TMEM45A: variants seen among roughly 807,000 people sequenced by gnomAD.
TMEM45A encodes the protein DNA polymerase-transactivated protein 4.
TMEM45A carries 25 observed loss-of-function variants against 32.0 expected under a neutral mutation model. That is an observed-to-expected ratio of 0.78 (90% CI 0.57 to 1.09). The LOEUF is 1.09. Among genes scored for constraint, TMEM45A ranks in the 50% least tolerant of loss-of-function variants. The pLI is 0.00. For missense variants in TMEM45A, 302 were observed against 325.0 expected, an observed-to-expected ratio of 0.93 and a Z score of 0.54; for synonymous variants, 122 against 114.8, an observed-to-expected ratio of 1.06 and a Z score of -0.40.
chr3:100,547,482 A>C (rs749040568), intron 1 of TMEM45A, among the ~76,000 whole-genome samples: 1 of 152,146 alleles, frequency 6.6e-6, no homozygotes, highest in Non-Finnish European at 1.5e-5. Flanking sequence ...AGAAAATCAT[A>C]AGGAAGATAA....
intron 4 of TMEM45A, among the ~76,000 whole-genome samples, chr3:100,563,153 C>T (rs1281972968): frequency 2.6e-5 from 4 of 152,202 alleles, no homozygotes; most frequent in Admixed American, 2.6e-4. Context: ...GCCAGCCATC[C>T]TTGGCATTCC....
intron 1 of TMEM45A, among the ~76,000 whole-genome samples, chr3:100,506,497 TAA>T (rs1408895072): frequency 6.6e-6 from 1 of 152,174 alleles, no homozygotes; most frequent in South Asian, 2.1e-4. Context: ...TTTGTACCCT[TAA>T]AGAGTCCAAC....
chr3:100,515,963 T>C (rs1708255908), intron 1 of TMEM45A, among the ~76,000 whole-genome samples: 1 of 152,204 alleles, frequency 6.6e-6, no homozygotes, highest in Admixed American at 6.5e-5. Context: ...CAATATATTA[T>C]ATATTTCAAA....
intron 1 of TMEM45A, among the ~76,000 whole-genome samples, chr3:100,532,044 G>C (rs1432179199): frequency 2.6e-5 from 4 of 152,126 alleles, no homozygotes; most frequent in Admixed American, 6.5e-5. Context: ...CATTACTCAA[G>C]TTTGAGAAGT....
At chr3:100,539,759 G>A (rs894543180) in intron 1 of TMEM45A, among the ~76,000 whole-genome samples, 2 of 152,084 alleles carry the variant, frequency 1.3e-5, no homozygotes, top group Non-Finnish European at 2.9e-5. Context: ...GCCCACCCAG[G>A]CAATCTTCTT....
chr3:100,529,930 C>T (rs1442284063), intron 1 of TMEM45A, among the ~76,000 whole-genome samples: 1 of 152,098 alleles, frequency 6.6e-6, no homozygotes, highest in Non-Finnish European at 1.5e-5. Context: ...ACCTTGATTT[C>T]TGATATTTTG....
chr3:100,551,398 T>G (rs540628946), intron 1 of TMEM45A, among the ~76,000 whole-genome samples: 16 of 152,260 alleles, frequency 1.1e-4, no homozygotes, highest in Non-Finnish European at 2.1e-4. Flanking sequence ...GCCCTGGCAT[T>G]TTCCCTGGGG....
chr3:100,549,152 C>A (rs1426094362), intron 1 of TMEM45A, among the ~76,000 whole-genome samples: 1 of 151,886 alleles, frequency 6.6e-6, no homozygotes, highest in Non-Finnish European at 1.5e-5. Context: ...GAGGCTGAGG[C>A]AGGAGAATCA....
chr3:100,574,602 C>T (rs1007310177), intron 5 of TMEM45A: 1 of 152,266 alleles, frequency 6.6e-6, no homozygotes, highest in African/African-American at 2.4e-5. Context: ...CCGTCGTCTT[C>T]ACCATGCATT....
chr3:100,560,352 C>T (rs1036906117), intron 4 of TMEM45A, among the ~76,000 whole-genome samples: 5 of 151,550 alleles, frequency 3.3e-5, no homozygotes, highest in African/African-American at 1.2e-4. Flanking sequence ...CATTTGTCTG[C>T]ACACTGCTAG....
intron 1 of TMEM45A, among the ~76,000 whole-genome samples, chr3:100,529,965 T>C (rs1452576296): frequency 1.3e-5 from 2 of 152,186 alleles, no homozygotes; most frequent in Non-Finnish European, 2.9e-5. Context: ...CATGTTTACG[T>C]GTACAGACCC....
At chr3:100,500,133 G>A (rs887187771) in intron 1 of TMEM45A, among the ~76,000 whole-genome samples, 4 of 152,046 alleles carry the variant, frequency 2.6e-5, no homozygotes, top group African/African-American at 7.2e-5. Flanking sequence ...TTTGTTAATA[G>A]TCTGCTCTAT....
At position 100,519,695 on chromosome 3, in the gene TMEM45A, T is replaced by C. The variant is rs370908734; in HGVS notation, c.-4+26767T>C. 202 of 1,328,970 alleles carry C rather than the reference T, an allele frequency of 1.5e-4. No individual in the cohort carries two copies. In the African/African-American group the frequency reaches 2.2e-3, roughly 14 times the overall value. The allele number at this position is 1,328,970 out of a possible 1,614,324, so 82.3% of individuals were successfully genotyped here. A position where few individuals can be genotyped will look rare whatever the true frequency, so the allele number is the denominator to read the frequency against. The stretch of plus-strand genomic sequence containing the variant: ...GATTCATAAAGACCTAGTTTGAACC[T>C]GACTGTACCGTGTATTTATGACATT... On this transcript the variant is annotated intron_variant, in intron 1 of 5. Coordinates refer to ENST00000323523, the MANE Select transcript of TMEM45A (RefSeq NM_018004.3).
At position 100,556,950 on chromosome 3, in the gene TMEM45A, G is replaced by A; in HGVS notation, c.381G>A (p.Leu127=). Residue 127 remains leucine, a synonymous_variant, in exon 3 of 6, where the codon TTG becomes TTA. Coordinates refer to ENST00000323523, the MANE Select transcript of TMEM45A (RefSeq NM_018004.3). The part of the protein sequence containing the change: ...SLPVSLTKLM[L]SNALFVEAFI... ...CTGTGTCCTTAACCAAGTTAATGTT[G>A]TCAAATGCCTTATTTGTGGAGGGTA... The A allele has an allele frequency of 5.6e-6, 9 of 1,614,136 alleles. No homozygotes were observed. The highest frequency in any genetic ancestry group is 7.6e-6 in the Non-Finnish European group (9 of 1,180,006).
chr3:100,530,683 A>C (rs1384854892), intron 1 of TMEM45A, among the ~76,000 whole-genome samples: 1 of 152,190 alleles, frequency 6.6e-6, no homozygotes, highest in Non-Finnish European at 1.5e-5. Context: ...TCTTTAAAAA[A>C]TGTATATGGA....
intron 1 of TMEM45A, among the ~76,000 whole-genome samples, chr3:100,511,497 T>C (rs1357251088): frequency 1.9e-4 from 29 of 151,872 alleles, no homozygotes; most frequent in Non-Finnish European, 4.0e-4. Context: ...AAGGAACAAC[T>C]GGTACCAGCC....
chr3:100,576,209 G>C (rs1412848189), intron 5 of TMEM45A, among the ~76,000 whole-genome samples: 1 of 152,180 alleles, frequency 6.6e-6, no homozygotes, highest in Non-Finnish European at 1.5e-5. Flanking sequence ...CCAGCACTTT[G>C]GGAGGCCGAG....
At chr3:100,526,645 G>C (rs1705551046) in intron 1 of TMEM45A, among the ~76,000 whole-genome samples, 1 of 152,098 alleles carries the variant, frequency 6.6e-6, no homozygotes, top group Admixed American at 6.6e-5. Context: ...ATAGACTTAA[G>C]GCAAGTTAGC....
chr3:100,566,524 T>A (rs990858246), intron 4 of TMEM45A, among the ~76,000 whole-genome samples: 1 of 152,176 alleles, frequency 6.6e-6, no homozygotes, highest in African/African-American at 2.4e-5. Context: ...TTCCTTGCAA[T>A]GGCCCTTTTT....
Sources: allele counts gnomAD v4.1 joint callset (sites outside exome capture counted in the v4.1 genomes callset), GRCh38; gene constraint gnomAD v4.1.1; transcripts MANE v1.5; gene names NCBI Gene and HGNC (gene_info 2026-07-23, HGNC 2026-07-21).